Variants in MED16 observed in about 807,000 individuals in gnomAD.
MED16 encodes the protein mediator of RNA polymerase II transcription subunit 16.
Under a neutral mutation model 84.4 loss-of-function variants are expected in MED16, and 81 were observed. The observed-to-expected ratio is 0.96, with a 90% CI of 0.80 to 1.15. MED16 has a LOEUF of 1.15. Among genes scored for constraint, MED16 ranks in the 50% most tolerant of loss-of-function variants. The probability of loss-of-function intolerance (pLI) is 0.00; values close to 1 mark genes in which losing one functional copy is unlikely to be tolerated. For missense variants in MED16, 1,585 were observed against 1,245.9 expected, an observed-to-expected ratio of 1.27 and a Z score of -4.10; for synonymous variants, 897 against 552.2, an observed-to-expected ratio of 1.62 and a Z score of -8.76.
intron 12 of MED16, 139 bp from the exon 13 acceptor site, chr19:871,392 G>C (rs921463413): frequency 3.1e-6 from 4 of 1,303,540 alleles, no homozygotes; most frequent in Non-Finnish European, 4.1e-6. Flanking sequence ...GTGACCCCGG[G>C]GTTCTCTCAC....
At position 885,904 on chromosome 19, in the gene MED16, C is replaced by CCA; in HGVS notation, c.743_744dup (p.Val249TrpfsTer2). On this transcript the variant is annotated frameshift_variant, in exon 5 of 16. Coordinates refer to ENST00000325464, the MANE Select transcript of MED16 (RefSeq NM_005481.3). LOFTEE classifies it high-confidence loss of function. ...GTGTCGATACGGCACTTCTCGCTCACCACGCTCACGCACACCTTGTAGAAC... is the reference window on the plus strand; with the variant it reads ...GTGTCGATACGGCACTTCTCGCTCACCACACGCTCACGCACACCTTGTAGAAC... The CCA allele has an allele frequency of 6.2e-7, 1 of 1,613,626 alleles. No individual in the cohort carries two copies. The highest frequency in any genetic ancestry group is 8.5e-7 in the Non-Finnish European group (1 of 1,179,954).
At chr19:887,591 G>C (rs2036552354) in intron 4 of MED16, among the ~76,000 whole-genome samples, 1 of 151,910 alleles carries the variant, frequency 6.6e-6, no homozygotes, top group Non-Finnish European at 1.5e-5. Flanking sequence ...ACTTGAACCT[G>C]GGAGGTGGAA....
At chr19:885,460 G>T (rs1014154174) in intron 5 of MED16, among the ~76,000 whole-genome samples, 2 of 152,118 alleles carry the variant, frequency 1.3e-5, no homozygotes, top group Non-Finnish European at 2.9e-5. Context: ...CGTTGGGGGG[G>T]GTCCGGGGGC....
At position 873,602 on chromosome 19, in the gene MED16, G is replaced by GTGAC; in HGVS notation, c.1772-21_1772-20insGTCA. On this transcript the variant is annotated intron_variant, in intron 10 of 15. Coordinates refer to ENST00000325464, the MANE Select transcript of MED16 (RefSeq NM_005481.3). The stretch of plus-strand genomic sequence containing the variant: ...CAATGTCTACAAGGAGACGTGGGTC[G>GTGAC]GGTCAGCTCGGGCCTCTTGTACACA... The GTGAC allele has an allele frequency of 6.2e-7, 1 of 1,611,162 alleles. No homozygotes were observed. The highest frequency in any genetic ancestry group is 8.5e-7 in the Non-Finnish European group (1 of 1,179,450).
chr19:871,543 A>C, intron 12 of MED16: 1 of 1,582,916 alleles, frequency 6.3e-7, no homozygotes, highest in Non-Finnish European at 8.5e-7. Context: ...GGGATGTAAG[A>C]ATGACACAGC....
At chr19:890,471 G>T in intron 2 of MED16, 1 of 448,536 alleles carries the variant, frequency 2.2e-6, no homozygotes, top group Non-Finnish European at 4.0e-6. Context: ...AGAAGAAAAT[G>T]ACTCCGAAAT....
intron 1 of MED16, among the ~76,000 whole-genome samples, chr19:891,526 C>G (rs1415064706): frequency 1.3e-5 from 2 of 152,146 alleles, no homozygotes; most frequent in African/African-American, 4.8e-5. Context: ...GACACTAGCT[C>G]TCTCCCGAAG....
chr19:876,328 T>C (rs1194864235), intron 9 of MED16, among the ~76,000 whole-genome samples: 1 of 152,078 alleles, frequency 6.6e-6, no homozygotes, highest in African/African-American at 2.4e-5. Context: ...TGGGCCTCCG[T>C]ATCCGCTCCC....
Position 875,400 on chromosome 19 carries a change from A to T in MED16, c.1615T>A (p.Cys539Ser). 1.2e-6 allele frequency: 2 copies of T among 1,607,952 alleles called. No homozygotes were observed. Among genetic ancestry groups the T allele is most frequent in the Non-Finnish European group, 1.7e-6 (2 of 1,179,756 alleles). The change falls in exon 10 of 16, where the codon TGC becomes AGC. Residue 539 changes from cysteine (C) to serine (S), a missense_variant. Physicochemically the swap from Cys to Ser is moderately radical, Grantham distance 112. Coordinates refer to ENST00000325464, the MANE Select transcript of MED16 (RefSeq NM_005481.3). ...TAGTCGCACACGCGGGTCACCGTGC[A>T]GGGCGACAGCTTGCAGAGCGAGGCC... Reference protein sequence around the residue: ...MKASLCKLSPCTVTRVCDYHT... With the variant: ...MKASLCKLSPSTVTRVCDYHT...
intron 4 of MED16, 45 bp downstream of exon 4, chr19:889,593 T>A: frequency 2.6e-6 from 4 of 1,556,026 alleles, no homozygotes; most frequent in Non-Finnish European, 3.5e-6. Context: ...CTGGGTAGGG[T>A]GACATCTCAT....
At chr19:871,329 C>T (rs1056834777) in intron 12 of MED16, 76 bp from the exon 13 acceptor site, 4 of 1,433,380 alleles carry the variant, frequency 2.8e-6, no homozygotes, top group African/African-American at 2.8e-5. Context: ...TGCTGGGAGC[C>T]CCTCCAGTTC....
chr19:891,050 T>G lies in MED16; in HGVS notation c.82A>C (p.Thr28Pro). ...VCEWEKWSKS[T>P]HCPSVPLACA... ...GCCAGGGGCACCGATGGGCAGTGGG[T>G]GCTCTTGGACCATTTCTCCCACTCA... Residue 28 changes from threonine (T) to proline (P), a missense_variant, in exon 2 of 16, where the codon ACC becomes CCC. By Grantham distance (38) the Thr-to-Pro change is conservative. Transcript: ENST00000325464. 1 of 1,614,032 alleles carries G rather than the reference T, an allele frequency of 6.2e-7. No homozygotes were observed. The highest frequency in any genetic ancestry group is 1.1e-5 in the South Asian group (1 of 91,088).
In MED16 at chr19:868,062, G is replaced by C; in HGVS notation, c.*39C>G. 6.4e-7 allele frequency: 1 copy of C among 1,565,558 alleles called. No individual in the cohort carries two copies. Among genetic ancestry groups the C allele is most frequent in the East Asian group, 2.2e-5 (1 of 44,512 alleles). Reference sequence around the variant, plus strand: ...AGGCAAGGAAACCGAGGAGACGCCCGAGCCGGGTCACCACAAGGTCCGCCT... The same window carrying C: ...AGGCAAGGAAACCGAGGAGACGCCCCAGCCGGGTCACCACAAGGTCCGCCT... On this transcript the variant is annotated 3_prime_UTR_variant, in exon 16 of 16. Coordinates refer to ENST00000325464, the MANE Select transcript of MED16 (RefSeq NM_005481.3).
At chr19:884,690 G>A (rs531216854) in intron 6 of MED16, among the ~76,000 whole-genome samples, 3 of 152,332 alleles carry the variant, frequency 2.0e-5, no homozygotes, top group East Asian at 3.9e-4. Context: ...GGCGTGGAAG[G>A]ATGGAGGAGT....
chr19:868,323 C>T (rs1214327802), intron 15 of MED16, 72 bp from the exon 16 acceptor site: 1 of 1,588,272 alleles, frequency 6.3e-7, no homozygotes, highest in Non-Finnish European at 8.5e-7. Flanking sequence ...AGCAGCCGGG[C>T]TCAGGGGCAG....
chr19:879,621 C>A (rs1287915678), intron 8 of MED16, among the ~76,000 whole-genome samples: 1 of 130,942 alleles, frequency 7.6e-6, no homozygotes, highest in Non-Finnish European at 1.7e-5. Flanking sequence ...GCCCCCCAAG[C>A]CCAGCCCCAC....
At chr19:875,769 A>C (rs2036216405) in intron 9 of MED16, among the ~76,000 whole-genome samples, 1 of 152,118 alleles carries the variant, frequency 6.6e-6, no homozygotes, top group Non-Finnish European at 1.5e-5. Flanking sequence ...GAGGCTGCTC[A>C]ACAGGACACC....
chr19:885,051 G>A, intron 5 of MED16, 43 bp from the exon 6 acceptor site: 1 of 1,472,674 alleles, frequency 6.8e-7, no homozygotes, highest in East Asian at 2.4e-5. Context: ...GCACTGCTGT[G>A]GTGGCCACGC....
At chr19:871,585 GGAGA>G (rs753109618) in intron 12 of MED16, 2 of 1,595,740 alleles carry the variant, frequency 1.3e-6, no homozygotes, top group Non-Finnish European at 1.7e-6. Context: ...AACCCGACAA[GGAGA>G]GACAGCAAAC....
Sources: gnomAD v4.1 joint callset for allele counts (sites outside exome capture counted in the v4.1 genomes callset) on GRCh38, gnomAD v4.1.1 for gene constraint, MANE v1.5 for transcripts, NCBI Gene and HGNC (gene_info 2026-07-23, HGNC 2026-07-21) for gene names.